The following RAPGEF2 variants were observed in gnomAD, a reference collection of about 807,000 sequenced individuals.
The protein encoded by RAPGEF2 is Rap guanine nucleotide exchange factor 2.
Under a neutral mutation model 186.7 loss-of-function variants are expected in RAPGEF2, and 54 were observed. That is an observed-to-expected ratio of 0.29 (90% CI 0.23 to 0.36). The LOEUF (loss-of-function observed/expected upper bound fraction) is 0.36, where lower values mean the gene tolerates loss of function less well. Ranked by LOEUF, RAPGEF2 falls within the 10% of genes least tolerant of loss-of-function variation. The probability of loss-of-function intolerance (pLI) is 1.00; values close to 1 mark genes in which losing one functional copy is unlikely to be tolerated. For synonymous variants in RAPGEF2, 712 were observed against 705.9 expected (o/e 1.01, Z -0.14); for missense variants, 1,532 against 2,045.0 (o/e 0.75, Z 4.84).
At chr4:159,226,239 T>C (rs948789289) in intron 4 of RAPGEF2, among the ~76,000 whole-genome samples, 3 of 152,206 alleles carry the variant, frequency 2.0e-5, no homozygotes, top group African/African-American at 7.2e-5. Flanking sequence ...GAAAAAAGTA[T>C]CTTCAATCCA....
chr4:159,142,387 A>G (rs565725673), intron 1 of RAPGEF2, among the ~76,000 whole-genome samples: 13 of 152,284 alleles, frequency 8.5e-5, no homozygotes, highest in African/African-American at 2.6e-4. Context: ...AAAGAATCCT[A>G]CTAGTACATT....
Position 159,104,057 on chromosome 4 carries a change from G to C in RAPGEF2, c.-106G>C. 2.1e-6 allele frequency: 1 copy of C among 480,882 alleles called. No individual in the cohort carries two copies. Among genetic ancestry groups the C allele is most frequent in the Non-Finnish European group, 2.8e-6 (1 of 354,186 alleles). The allele number at this position is 480,882 out of a possible 1,614,324, so 29.8% of individuals were successfully genotyped here. Reference sequence around the variant, plus strand: ...CGCCGCGGTTTGGCTGATTAGTCGCGGGCGGGCGGGCGGGCGCAGCGCGCA... The same window carrying C: ...CGCCGCGGTTTGGCTGATTAGTCGCCGGCGGGCGGGCGGGCGCAGCGCGCA... On this transcript the variant is annotated 5_prime_UTR_variant, in exon 1 of 30. Coordinates refer to ENST00000691494, the MANE Select transcript of RAPGEF2 (RefSeq NM_001394067.2).
intron 25 of RAPGEF2, among the ~76,000 whole-genome samples, chr4:159,347,263 AT>A (rs1315093085): frequency 2.0e-5 from 3 of 152,178 alleles, no homozygotes; most frequent in Admixed American, 6.5e-5. Context: ...TATTAATTTA[AT>A]TTTTGCTAAG....
At chr4:159,306,836 G>T (rs1471822176) in intron 8 of RAPGEF2, among the ~76,000 whole-genome samples, 7 of 152,100 alleles carry the variant, frequency 4.6e-5, no homozygotes, top group African/African-American at 1.2e-4. Flanking sequence ...CTGGATCATT[G>T]AATTAGCTTC....
chr4:159,139,929 G>A (rs1742136638), intron 1 of RAPGEF2, among the ~76,000 whole-genome samples: 1 of 152,182 alleles, frequency 6.6e-6, no homozygotes, highest in African/African-American at 2.4e-5. Flanking sequence ...GGAATTGTGT[G>A]CTAAGAGATA....
At chr4:159,326,684 T>A (rs974614569) in intron 11 of RAPGEF2, 1 of 152,252 alleles carries the variant, frequency 6.6e-6, no homozygotes, top group Non-Finnish European at 1.5e-5. Flanking sequence ...AGTTCAGAGC[T>A]TGATATACAC....
chr4:159,184,246 G>C (rs907055981), intron 1 of RAPGEF2, among the ~76,000 whole-genome samples: 1 of 152,100 alleles, frequency 6.6e-6, no homozygotes, highest in Non-Finnish European at 1.5e-5. Context: ...TAATCCTTTG[G>C]GTATATACCC....
intron 7 of RAPGEF2, chr4:159,267,761 CTG>C (rs1365967555): frequency 9.9e-7 from 1 of 1,007,406 alleles, no homozygotes; most frequent in Non-Finnish European, 1.2e-6. Flanking sequence ...TGAGGGGAGT[CTG>C]TGTGCAGTCA....
At chr4:159,305,959 G>A (rs932478653) in intron 8 of RAPGEF2, among the ~76,000 whole-genome samples, 1 of 152,048 alleles carries the variant, frequency 6.6e-6, no homozygotes, top group South Asian at 2.1e-4. Flanking sequence ...TCAAAGATCG[G>A]TTGGCTGTAA....
intron 1 of RAPGEF2, among the ~76,000 whole-genome samples, chr4:159,130,042 C>A (rs1240221178): frequency 6.6e-6 from 1 of 152,150 alleles, no homozygotes; most frequent in East Asian, 1.9e-4. Flanking sequence ...CTATTTTAGA[C>A]CATACAGGGA....
intron 4 of RAPGEF2, among the ~76,000 whole-genome samples, chr4:159,235,814 A>G (rs1318381139): frequency 6.6e-6 from 1 of 152,238 alleles, no homozygotes; most frequent in Non-Finnish European, 1.5e-5. Flanking sequence ...CAGAGAGCAG[A>G]AGCAAAAGTA....
intron 17 of RAPGEF2, among the ~76,000 whole-genome samples, chr4:159,336,076 C>T (rs1013477525): frequency 1.3e-5 from 2 of 151,580 alleles, no homozygotes; most frequent in East Asian, 1.9e-4. Flanking sequence ...GTCTTTATGC[C>T]GGTTATATGA....
intron 1 of RAPGEF2, among the ~76,000 whole-genome samples, chr4:159,132,155 A>C (rs1191125825): frequency 6.6e-6 from 1 of 152,222 alleles, no homozygotes; most frequent in East Asian, 1.9e-4. Flanking sequence ...TCAAGAATTG[A>C]GAAACATTTA....
At chr4:159,126,584 A>G (rs1740325904) in intron 1 of RAPGEF2, among the ~76,000 whole-genome samples, 3 of 151,690 alleles carry the variant, frequency 2.0e-5, no homozygotes, top group Admixed American at 2.0e-4. Flanking sequence ...AGATTTTAAG[A>G]CTTTCTCAGA....
intron 1 of RAPGEF2, among the ~76,000 whole-genome samples, chr4:159,115,595 A>G (rs1738959808): frequency 6.6e-6 from 1 of 151,884 alleles, no homozygotes; most frequent in Non-Finnish European, 1.5e-5. Context: ...ATTCTTACAA[A>G]CTCCATTTCC....
intron 7 of RAPGEF2, among the ~76,000 whole-genome samples, chr4:159,291,400 A>G (rs752374499): frequency 1.4e-4 from 21 of 152,086 alleles, no homozygotes; most frequent in Admixed American, 4.6e-4. Flanking sequence ...GGCTCAAGCA[A>G]TCCTCCCACC....
At chr4:159,356,269 T>C (rs1163450900) in intron 29 of RAPGEF2, 111 bp downstream of exon 29, 2 of 1,136,124 alleles carry the variant, frequency 1.8e-6, no homozygotes, top group African/African-American at 1.6e-5. Context: ...TCTAACCATA[T>C]ACTACACAAA....
chr4:159,303,196 T>C (rs914935381), intron 7 of RAPGEF2, among the ~76,000 whole-genome samples: 1 of 152,172 alleles, frequency 6.6e-6, no homozygotes, highest in Non-Finnish European at 1.5e-5. Context: ...CAAAATCCAT[T>C]GATCATTGTC....
At chr4:159,199,885 C>T (rs1749222475) in intron 3 of RAPGEF2, among the ~76,000 whole-genome samples, 1 of 152,152 alleles carries the variant, frequency 6.6e-6, no homozygotes, top group South Asian at 2.1e-4. Context: ...AAAATTGCAG[C>T]ATATGAATCT....
Sources: allele counts gnomAD v4.1 joint callset (sites outside exome capture counted in the v4.1 genomes callset), GRCh38; gene constraint gnomAD v4.1.1; transcripts MANE v1.5; gene names NCBI Gene and HGNC (gene_info 2026-07-23, HGNC 2026-07-21).